The following PI4KA variants were observed in gnomAD, a reference collection of about 807,000 sequenced individuals.
The protein encoded by PI4KA is phosphatidylinositol 4-kinase alpha.
Under a neutral mutation model 271.4 loss-of-function variants are expected in PI4KA, and 122 were observed. The ratio of observed to expected loss-of-function variants is 0.45; its 90% CI spans 0.39 to 0.52. The LOEUF is 0.52. PI4KA is among the 20% of genes least tolerant of loss of function. The pLI, the probability that PI4KA is intolerant of heterozygous loss-of-function variation, is 0.00. For synonymous variants in PI4KA, 1,041 were observed against 1,078.8 expected (o/e 0.96, Z 0.69); for missense variants, 1,969 against 2,769.1 (o/e 0.71, Z 6.48).
Position 20,858,806 on chromosome 22 carries a change from G to A in PI4KA, c.-81C>T. 1 of 1,360,378 alleles carries A rather than the reference G, an allele frequency of 7.4e-7. No individual in the cohort carries two copies. The highest frequency in any genetic ancestry group is 9.5e-7 in the Non-Finnish European group (1 of 1,056,302). The allele number at this position is 1,360,378 out of a possible 1,614,324, so 84.3% of individuals were successfully genotyped here. On this transcript the variant is annotated 5_prime_UTR_variant, in exon 1 of 55. Transcript: ENST00000255882. ...CCGACCTCAGGGCGCAGGCGTAGGT[G>A]CATCCGGCTTTCCCGCCACGTGACC...
chr22:20,831,509 AG>A (rs1486768964), intron 3 of PI4KA, among the ~76,000 whole-genome samples: 2 of 152,176 alleles, frequency 1.3e-5, no homozygotes, highest in Non-Finnish European at 2.9e-5. Flanking sequence ...CGGAGGTTGT[AG>A]TGACCCAAGA....
chr22:20,723,980 G>A (rs1033263178), intron 42 of PI4KA, among the ~76,000 whole-genome samples: 13 of 151,540 alleles, frequency 8.6e-5, no homozygotes, highest in Admixed American at 4.6e-4. Context: ...CTGGGACTAC[G>A]GGCTCCCGCC....
At chr22:20,783,347 A>C (rs1933941118) in intron 19 of PI4KA, among the ~76,000 whole-genome samples, 1 of 151,910 alleles carries the variant, frequency 6.6e-6, no homozygotes, top group Admixed American at 6.6e-5. Flanking sequence ...CTATAATCCC[A>C]GTGCTTTGGA....
At position 20,717,752 on chromosome 22, in the gene PI4KA, T is replaced by C. The variant is rs1414855077; in HGVS notation, c.5273A>G (p.Lys1758Arg). Residue 1758 changes from lysine (K) to arginine (R), a missense_variant, in exon 45 of 55, where the codon AAG becomes AGG. By Grantham distance (26) the Lys-to-Arg change is conservative (BLOSUM62 2). Around this residue, in one of 13 missense-constraint regions of PI4KA, gnomAD observed 388 missense variants for 521.5 expected, o/e 0.74. Transcript: ENST00000255882. ...IKPYPKGDERKKACLSALSEV... is the reference protein window; with the variant it reads ...IKPYPKGDERRKACLSALSEV... The stretch of plus-strand genomic sequence containing the variant: ...AGACAGGGCCGACAGACAAGCCTTC[T>C]TTCTCTCGTCGCCTTTAGGGTAGGG... 6.3e-7 allele frequency: 1 copy of C among 1,577,900 alleles called. No homozygotes were observed. Among genetic ancestry groups the C allele is most frequent in the Middle Eastern group, 1.7e-4 (1 of 6,014 alleles).
intron 45 of PI4KA, among the ~76,000 whole-genome samples, chr22:20,716,968 G>A (rs1461131125): frequency 1.3e-5 from 2 of 152,120 alleles, no homozygotes; most frequent in African/African-American, 4.8e-5. Context: ...GAGAGAGGCC[G>A]GGCACAGTGG....
intron 19 of PI4KA, chr22:20,779,462 G>A: frequency 6.2e-7 from 1 of 1,614,152 alleles, no homozygotes; most frequent in Non-Finnish European, 8.5e-7. Context: ...ACAAAAACCT[G>A]AGCATGCCTC....
chr22:20,835,824 G>A lies in PI4KA; in HGVS notation c.274-1169C>T, dbSNP rs374698025. 5.6e-4 allele frequency among the ~76,000 whole-genome samples: 85 copies of A among 152,094 alleles called. No homozygotes were observed. In the South Asian group the frequency reaches 0.016, roughly 28 times the overall value. On this transcript the variant is annotated intron_variant, in intron 2 of 54. Coordinates refer to ENST00000255882, the MANE Select transcript of PI4KA (RefSeq NM_058004.4). ...AGCACTTTGGGAGGCTGAGGCAGGC[G>A]GATCACGAGGTCAGGAGATCGAGAC...
intron 1 of PI4KA, among the ~76,000 whole-genome samples, chr22:20,856,306 C>A (rs1429381807): frequency 6.6e-6 from 1 of 152,102 alleles, no homozygotes; most frequent in East Asian, 1.9e-4. Context: ...AGCGAGACTC[C>A]CTCTCAAAAA....
Position 20,747,541 on chromosome 22 carries a change from A to G in PI4KA, c.3363+42T>C, listed in dbSNP as rs542782499. The G allele has an allele frequency of 3.3e-4, 522 of 1,602,166 alleles. 8 individuals are homozygous for G. The South Asian group carries it at 5.4e-3, about 16-fold the overall frequency. Reference sequence around the variant, plus strand: ...AGCCTTCCCCTGCACTGTGGCTCCTATGGTCTAAGGGGTCACTGCTCTTCA... The same window carrying G: ...AGCCTTCCCCTGCACTGTGGCTCCTGTGGTCTAAGGGGTCACTGCTCTTCA... On this transcript the variant is annotated intron_variant, in intron 29 of 54. Coordinates refer to ENST00000255882, the MANE Select transcript of PI4KA (RefSeq NM_058004.4).
intron 2 of PI4KA, among the ~76,000 whole-genome samples, chr22:20,838,111 A>C (rs1925101113): frequency 6.7e-6 from 1 of 148,588 alleles, no homozygotes; most frequent in South Asian, 2.1e-4. Context: ...ACAAAGCAAG[A>C]CTCCATCTCA....
rs7288247 is a variant in PI4KA at position 20,786,253 on chromosome 22, T to C, written c.2328+6940A>G. The C allele has an allele frequency of 0.012, 15,449 of 1,302,026 alleles. 1,302 individuals are homozygous for C. The African/African-American group carries it at 0.19, about 16-fold the overall frequency. The allele number at this position is 1,302,026 out of a possible 1,614,324, so 80.7% of individuals were successfully genotyped here. ...CCACCCCCCAATCTCATGTCCCAGC[T>C]TGGGGTGCTGAGTCTGCTCTTCGGC... On this transcript the variant is annotated intron_variant, in intron 19 of 54. Transcript: ENST00000255882.
chr22:20,781,865 C>T (rs1052871899), intron 19 of PI4KA, among the ~76,000 whole-genome samples: 2 of 152,222 alleles, frequency 1.3e-5, no homozygotes, highest in Non-Finnish European at 2.9e-5. Context: ...ATCTCTATGA[C>T]TCAGTTTCCT....
chr22:20,776,872 G>A (rs934473989), intron 19 of PI4KA, among the ~76,000 whole-genome samples: 6 of 151,906 alleles, frequency 3.9e-5, no homozygotes, highest in African/African-American at 1.2e-4. Context: ...CAGAGTATCC[G>A]AACAGTTACC....
intron 42 of PI4KA, among the ~76,000 whole-genome samples, chr22:20,722,639 T>G (rs1926876721): frequency 6.6e-6 from 1 of 152,336 alleles, no homozygotes; most frequent in East Asian, 1.9e-4. Flanking sequence ...TTTTTTTTGT[T>G]CCTAGAGCCA....
chr22:20,821,533 G>A (rs1922665117), intron 4 of PI4KA, among the ~76,000 whole-genome samples: 1 of 151,686 alleles, frequency 6.6e-6, no homozygotes, highest in South Asian at 2.1e-4. Context: ...AATTATTTAA[G>A]TTAAGAAATT....
chr22:20,733,179 T>C (rs1207375459), intron 35 of PI4KA, 81 bp from the exon 36 acceptor site: 50 of 1,500,858 alleles, frequency 3.3e-5, no homozygotes, highest in Non-Finnish European at 4.4e-5. Flanking sequence ...AGTGAGAAGG[T>C]GATGCAGACA....
At chr22:20,793,278 ATG>A in intron 18 of PI4KA, 35 bp from the exon 19 acceptor site, 1 of 1,275,566 alleles carries the variant, frequency 7.8e-7, no homozygotes, top group Non-Finnish European at 1.1e-6. Context: ...ATTAACGAGT[ATG>A]TGTTTCTTTT....
rs1301021706 is a variant in PI4KA, at chr22:20,820,582, A to G, written c.486T>C (p.His162=). 2 of 1,611,910 alleles carry G rather than the reference A, an allele frequency of 1.2e-6. No homozygotes were observed. The highest frequency in any genetic ancestry group is 1.3e-5 in the African/African-American group (1 of 74,800). Residue 162 remains histidine, a synonymous_variant, in exon 5 of 55, where the codon CAT becomes CAC. Coordinates refer to ENST00000255882, the MANE Select transcript of PI4KA (RefSeq NM_058004.4). ...EILEVLLQVL[H]VLLGMCQALE... The stretch of plus-strand genomic sequence containing the variant: ...AGGCCTGGCACATCCCCAAGAGGAC[A>G]TGCAAAACCTGCAAAAGCACCTCTA...
chr22:20,823,568 T>C (rs1922990533), intron 4 of PI4KA, among the ~76,000 whole-genome samples: 1 of 152,208 alleles, frequency 6.6e-6, no homozygotes, highest in Admixed American at 6.5e-5. Context: ...AAATACATGT[T>C]TGTAACATTT....
Sources: gnomAD v4.1 joint callset for allele counts (sites outside exome capture counted in the v4.1 genomes callset) on GRCh38, gnomAD v4.1.1 for gene constraint, gnomAD v4.1.1 regional missense constraint, MANE v1.5 for transcripts, NCBI Gene and HGNC (gene_info 2026-07-23, HGNC 2026-07-21) for gene names.